Variants in SNTB2 observed in about 807,000 individuals in gnomAD.
SNTB2 encodes beta-2-syntrophin.
A neutral mutation model predicts 46.2 loss-of-function variants in SNTB2; 34 were observed. That is an observed-to-expected ratio of 0.74 (90% CI 0.56 to 0.98). SNTB2 has a LOEUF of 0.98. SNTB2 is among the 50% of genes least tolerant of loss of function. The pLI is 0.00. For synonymous variants in SNTB2, 290 were observed against 312.6 expected, an observed-to-expected ratio of 0.93 and a Z score of 0.76; for missense variants, 603 against 731.4, an observed-to-expected ratio of 0.82 and a Z score of 2.02.
chr16:69,265,188 G>T (rs1420837923), intron 3 of SNTB2, among the ~76,000 whole-genome samples: 1 of 152,164 alleles, frequency 6.6e-6, no homozygotes, highest in Non-Finnish European at 1.5e-5. Flanking sequence ...GGCGGAGCTT[G>T]CAGTGAGCCG....
chr16:69,270,385 C>A, intron 4 of SNTB2, 100 bp downstream of exon 4: 1 of 1,435,792 alleles, frequency 7.0e-7, no homozygotes, highest in Non-Finnish European at 9.5e-7. Context: ...CCTAAAAGAG[C>A]ATTTAAGTAG....
rs922983160 is a variant in SNTB2 at position 69,278,037 on chromosome 16, C to T, written c.1149-6011C>T. 9.6e-4 allele frequency among the ~76,000 whole-genome samples: 146 copies of T among 152,302 alleles called. 1 individual carries two copies. Among genetic ancestry groups the T allele is most frequent in the African/African-American group, 3.4e-3 (140 of 41,560 alleles). On this transcript the variant is annotated intron_variant, in intron 4 of 6. Coordinates refer to ENST00000336278, the MANE Select transcript of SNTB2 (RefSeq NM_006750.4). ...TCTCTACACAAAATACAAAAATGAG[C>T]CAGGCACGGCGGCACGCGCCTATTG...
At chr16:69,198,872 G>A (rs988860170) in intron 1 of SNTB2, among the ~76,000 whole-genome samples, 1 of 150,516 alleles carries the variant, frequency 6.6e-6, no homozygotes, top group Non-Finnish European at 1.5e-5. Context: ...TGCATGGATT[G>A]TCAGAGATTT....
chr16:69,224,014 AT>A (rs2152293998), intron 1 of SNTB2, among the ~76,000 whole-genome samples: 1 of 152,046 alleles, frequency 6.6e-6, no homozygotes, highest in Non-Finnish European at 1.5e-5. Context: ...ATGTCCCTCA[AT>A]TGGGTTTGTC....
At chr16:69,268,631 G>A (rs764739772) in intron 3 of SNTB2, among the ~76,000 whole-genome samples, 3 of 151,828 alleles carry the variant, frequency 2.0e-5, no homozygotes, top group East Asian at 1.9e-4. Flanking sequence ...CTGGGAGACC[G>A]AGGCGGGTGG....
chr16:69,243,775 TA>T, intron 1 of SNTB2, among the ~76,000 whole-genome samples: 1 of 152,230 alleles, frequency 6.6e-6, no homozygotes, highest in East Asian at 1.9e-4. Flanking sequence ...TTTTCTAGGG[TA>T]AAAAAATCTC....
chr16:69,278,502 C>G (rs1297927201), intron 4 of SNTB2, among the ~76,000 whole-genome samples: 3 of 146,558 alleles, frequency 2.0e-5, no homozygotes, highest in Non-Finnish European at 4.5e-5. Flanking sequence ...GTCACCCAGG[C>G]TGGAGGGCAG....
chr16:69,201,948 A>C (rs1183786659), intron 1 of SNTB2, among the ~76,000 whole-genome samples: 1 of 152,178 alleles, frequency 6.6e-6, no homozygotes, highest in Non-Finnish European at 1.5e-5. Context: ...TGCTTAGTTT[A>C]GGAGCAGACC....
intron 5 of SNTB2, among the ~76,000 whole-genome samples, chr16:69,294,832 T>C (rs944945170): frequency 6.6e-6 from 1 of 151,846 alleles, no homozygotes. Context: ...TTTTTTTTTT[T>C]CGCTCTGTCA....
intron 2 of SNTB2, among the ~76,000 whole-genome samples, chr16:69,247,866 T>C (rs9302600): frequency 0.33 from 49,810 of 152,072 alleles, 8,698 homozygotes; most frequent in African/African-American, 0.43. Context: ...TCTGTAATCC[T>C]AGCACTTTGG....
chr16:69,303,667 T>C lies in SNTB2; in HGVS notation c.*2743T>C, dbSNP rs1005128661. On this transcript the variant is annotated 3_prime_UTR_variant, in exon 7 of 7. Transcript: ENST00000336278. ...GCTTTTCTTACATACCTAACAGCTCTCCAGTCATGATGACCAAGGTTGTTC... is the reference window on the plus strand; with the variant it reads ...GCTTTTCTTACATACCTAACAGCTCCCCAGTCATGATGACCAAGGTTGTTC... 6.6e-6 allele frequency: 1 copy of C among 152,634 alleles called. No homozygotes were observed. The highest frequency in any genetic ancestry group is 1.5e-5 in the Non-Finnish European group (1 of 68,052). 9.5% of individuals were successfully genotyped at this position (152,634 alleles called of 1,614,324 possible). A position where few individuals can be genotyped will look rare whatever the true frequency, so the allele number is the denominator to read the frequency against.
chr16:69,249,169 G>A (rs111503010), intron 2 of SNTB2, among the ~76,000 whole-genome samples: 7,568 of 151,890 alleles, frequency 0.05, 263 homozygotes, highest in Non-Finnish European at 0.071. Flanking sequence ...GGGACTGCAG[G>A]TGCATGCCAC....
chr16:69,263,296 G>T (rs1964853967), intron 3 of SNTB2, among the ~76,000 whole-genome samples: 2 of 152,044 alleles, frequency 1.3e-5, no homozygotes, highest in Non-Finnish European at 2.9e-5. Flanking sequence ...TTTTTGTAGA[G>T]ATAGGATCTC....
At chr16:69,238,536 A>C (rs1267380585) in intron 1 of SNTB2, among the ~76,000 whole-genome samples, 1 of 152,194 alleles carries the variant, frequency 6.6e-6, no homozygotes. Flanking sequence ...ATATGCTAAT[A>C]GCTCCCAAAT....
At chr16:69,201,893 A>G (rs149246514) in intron 1 of SNTB2, among the ~76,000 whole-genome samples, 3,017 of 152,244 alleles carry the variant, frequency 0.02, 27 homozygotes, top group Non-Finnish European at 0.026. Flanking sequence ...CCTGGATGGA[A>G]AATTGCTTCA....
At chr16:69,296,050 C>T (rs887044922) in intron 5 of SNTB2, among the ~76,000 whole-genome samples, 3 of 152,028 alleles carry the variant, frequency 2.0e-5, no homozygotes, top group East Asian at 1.9e-4. Context: ...GAGGCCGAGG[C>T]GGGTGGATCA....
chr16:69,242,196 C>T (rs954959739), intron 1 of SNTB2, among the ~76,000 whole-genome samples: 59 of 152,080 alleles, frequency 3.9e-4, no homozygotes, highest in African/African-American at 1.3e-3. Context: ...GAGGCTAAGG[C>T]GGGAGGGTTG....
intron 1 of SNTB2, among the ~76,000 whole-genome samples, chr16:69,233,799 C>T (rs1964530720): frequency 6.6e-6 from 1 of 151,794 alleles, no homozygotes; most frequent in Non-Finnish European, 1.5e-5. Flanking sequence ...ATAGCAAGAC[C>T]CCACTGTCTC....
chr16:69,274,652 CAA>C (rs758148568), intron 4 of SNTB2, among the ~76,000 whole-genome samples: 22 of 66,692 alleles, frequency 3.3e-4, no homozygotes, highest in Admixed American at 5.0e-4. Context: ...GACTCCATCT[CAA>C]AAAAAAAAAA....
Sources: gnomAD v4.1 joint callset for allele counts (sites outside exome capture counted in the v4.1 genomes callset) on GRCh38, gnomAD v4.1.1 for gene constraint, MANE v1.5 for transcripts, NCBI Gene and HGNC (gene_info 2026-07-23, HGNC 2026-07-21) for gene names.